TBC1D5: variants seen among roughly 807,000 people sequenced by gnomAD.
TBC1D5 encodes TBC1 domain family member 5.
TBC1D5 carries 75 observed loss-of-function variants against 100.3 expected under a neutral mutation model. The ratio of observed to expected loss-of-function variants is 0.75; its 90% confidence interval spans 0.62 to 0.91. TBC1D5 has a LOEUF of 0.91. Among genes scored for constraint, TBC1D5 ranks in the 40% least tolerant of loss-of-function variants. The pLI is 0.00. For synonymous variants in TBC1D5, 323 were observed against 325.6 expected, an observed-to-expected ratio of 0.99 and a Z score of 0.09; for missense variants, 910 against 942.4, an observed-to-expected ratio of 0.97 and a Z score of 0.45.
At position 17,601,569 on chromosome 3, in the gene TBC1D5, G is replaced by T. The variant is rs569353252; in HGVS notation, c.-36+22280C>A. Among the ~76,000 whole-genome samples the T allele has an allele frequency of 2.0e-5, 3 of 152,306 alleles. No homozygotes were observed. The South Asian group carries it at 6.2e-4, about 32-fold the overall frequency. On this transcript the variant is annotated intron_variant, in intron 2 of 21. Coordinates refer to ENST00000253692, the Ensembl canonical transcript of TBC1D5. ...AAAATGAACTTTTAAACTTATAACT[G>T]CCCTTGTGAGCAATGCCTAATGAGA... is the stretch of plus-strand genomic sequence containing the variant.
chr3:17,678,666 TAAAAAAAAAA>T (rs150614567), intron 1 of TBC1D5, among the ~76,000 whole-genome samples: 1 of 109,100 alleles, frequency 9.2e-6, no homozygotes, highest in Non-Finnish European at 1.8e-5. Context: ...AAAAGAGGGA[TAAAAAAAAAA>T]AAAAAAAAAA....
chr3:17,328,124 G>T (rs1007609659), intron 13 of TBC1D5, among the ~76,000 whole-genome samples: 1 of 152,004 alleles, frequency 6.6e-6, no homozygotes, highest in Non-Finnish European at 1.5e-5. Context: ...TTAAAAATTA[G>T]CCAGGTGTGG....
chr3:17,667,642 G>C (rs563929511), intron 1 of TBC1D5, among the ~76,000 whole-genome samples: 1 of 151,970 alleles, frequency 6.6e-6, no homozygotes, highest in Non-Finnish European at 1.5e-5. Flanking sequence ...TGTAGTGATG[G>C]AGTTTCGCCA....
intron 2 of TBC1D5, among the ~76,000 whole-genome samples, chr3:17,519,412 C>A (rs1050541338): frequency 6.6e-6 from 1 of 152,194 alleles, no homozygotes; most frequent in East Asian, 1.9e-4. Context: ...CTGTTCTTAC[C>A]TTCTTCGCCT....
At chr3:17,189,923 G>C (rs1054540989) in intron 18 of TBC1D5, among the ~76,000 whole-genome samples, 3 of 152,150 alleles carry the variant, frequency 2.0e-5, no homozygotes, top group African/African-American at 7.2e-5. Context: ...TTTGTTGAAT[G>C]ATTTTCTTTT....
intron 2 of TBC1D5, among the ~76,000 whole-genome samples, chr3:17,550,834 T>C (rs1441961406): frequency 6.6e-6 from 1 of 152,100 alleles, no homozygotes; most frequent in African/African-American, 2.4e-5. Context: ...AAGATATCAA[T>C]AAACTGTCAT....
intron 8 of TBC1D5, among the ~76,000 whole-genome samples, chr3:17,402,356 A>G (rs1443430148): frequency 2.0e-5 from 3 of 152,140 alleles, no homozygotes; most frequent in African/African-American, 7.2e-5. Flanking sequence ...AGAGATACTC[A>G]CGATTCTGCA....
At chr3:17,576,704 T>C (rs2096659021) in intron 2 of TBC1D5, among the ~76,000 whole-genome samples, 1 of 151,898 alleles carries the variant, frequency 6.6e-6, no homozygotes, top group Admixed American at 6.6e-5. Flanking sequence ...TTAAGAAAAA[T>C]AGTAGCACGT....
At chr3:17,729,800 T>C (rs2076409702) in intron 1 of TBC1D5, among the ~76,000 whole-genome samples, 1 of 151,558 alleles carries the variant, frequency 6.6e-6, no homozygotes, top group African/African-American at 2.4e-5. Flanking sequence ...AGAACAAAGG[T>C]CACTTTTTAA....
At chr3:17,399,779 G>C (rs1432870776) in intron 8 of TBC1D5, among the ~76,000 whole-genome samples, 1 of 152,030 alleles carries the variant, frequency 6.6e-6, no homozygotes, top group South Asian at 2.1e-4. Flanking sequence ...TGCTCTAGCC[G>C]AACTGACTTC....
At chr3:17,690,784 CT>C (rs917832133) in intron 1 of TBC1D5, among the ~76,000 whole-genome samples, 7 of 152,182 alleles carry the variant, frequency 4.6e-5, no homozygotes, top group African/African-American at 1.7e-4. Context: ...AAAACCATAT[CT>C]CCACCCCCAT....
At chr3:17,504,504 T>C (rs1386352608) in intron 3 of TBC1D5, among the ~76,000 whole-genome samples, 2 of 151,902 alleles carry the variant, frequency 1.3e-5, no homozygotes, top group Non-Finnish European at 2.9e-5. Context: ...TCTGAATGAA[T>C]CAAAAATAAT....
intron 13 of TBC1D5, among the ~76,000 whole-genome samples, chr3:17,319,519 C>T (rs187608262): frequency 5.3e-4 from 81 of 151,882 alleles, no homozygotes; most frequent in Middle Eastern, 3.4e-3. Context: ...CCTTCCCAAC[C>T]CAAATCCCTT....
intron 3 of TBC1D5, among the ~76,000 whole-genome samples, chr3:17,440,932 G>A (rs1419612954): frequency 2.0e-5 from 3 of 152,122 alleles, no homozygotes; most frequent in Non-Finnish European, 2.9e-5. Context: ...ATGAGCCACC[G>A]TGTCCCACCA....
chr3:17,721,458 C>CAT (rs1560552861), intron 1 of TBC1D5, among the ~76,000 whole-genome samples: 1 of 104,024 alleles, frequency 9.6e-6, no homozygotes, highest in African/African-American at 3.5e-5. Flanking sequence ...TGTGTGAGAG[C>CAT]ATGTGTGTGT....
At chr3:17,632,793 C>A (rs970409032) in intron 1 of TBC1D5, among the ~76,000 whole-genome samples, 6 of 152,026 alleles carry the variant, frequency 3.9e-5, no homozygotes, top group African/African-American at 1.4e-4. Flanking sequence ...ACACATAATG[C>A]TATTATACAT....
intron 1 of TBC1D5, among the ~76,000 whole-genome samples, chr3:17,648,975 G>C (rs1366287071): frequency 1.3e-5 from 2 of 152,128 alleles, no homozygotes; most frequent in East Asian, 3.9e-4. Context: ...TCCCATTACT[G>C]GGTATATACC....
At chr3:17,467,408 GGAAGCAGTTCCAAGGT>G (rs1180947508) in intron 3 of TBC1D5, among the ~76,000 whole-genome samples, 1 of 151,424 alleles carries the variant, frequency 6.6e-6, no homozygotes, top group Non-Finnish European at 1.5e-5. Flanking sequence ...GCAACACCTA[GGAAGCAGTTCCAAGGT>G]CCAGGTTCAA....
intron 13 of TBC1D5, among the ~76,000 whole-genome samples, chr3:17,311,486 A>G (rs889410327): frequency 1.5e-4 from 23 of 152,046 alleles, no homozygotes; most frequent in Non-Finnish European, 2.5e-4. Flanking sequence ...ATTTCTGTGT[A>G]ATTAAGCTGC....
Sources: allele counts gnomAD v4.1 joint callset (sites outside exome capture counted in the v4.1 genomes callset), GRCh38; gene constraint gnomAD v4.1.1; transcripts MANE v1.5; gene names NCBI Gene and HGNC (gene_info 2026-07-23, HGNC 2026-07-21).